Variants in MRPS21 observed in about 807,000 individuals in gnomAD.
The protein encoded by MRPS21 is small ribosomal subunit protein bS21m.
MRPS21 carries 8 observed loss-of-function variants against 9.9 expected under a neutral mutation model. The ratio of observed to expected loss-of-function variants is 0.81; its 90% CI spans 0.47 to 1.45. MRPS21 has a LOEUF of 1.45. Among genes scored for constraint, MRPS21 ranks in the 40% most tolerant of loss-of-function variants. The pLI is 0.00. For missense variants in MRPS21, 101 were observed against 118.9 expected, an observed-to-expected ratio of 0.85 and a Z score of 0.70; for synonymous variants, 40 against 40.3, an observed-to-expected ratio of 0.99 and a Z score of 0.03.
chr1:150,299,026 G>A (rs1654016214), intron 2 of MRPS21, among the ~76,000 whole-genome samples: 1 of 152,054 alleles, frequency 6.6e-6, no homozygotes, highest in African/African-American at 2.4e-5. Context: ...GACTAGCCTG[G>A]CCAACATGGC....
intron 2 of MRPS21, among the ~76,000 whole-genome samples, chr1:150,297,938 C>CTTT (rs1257455790): frequency 6.7e-6 from 1 of 148,260 alleles, no homozygotes; most frequent in African/African-American, 2.5e-5. Context: ...ACAAAATGAA[C>CTTT]TTTTTTTTTT....
chr1:150,305,958 C>T (rs12403795), intron 2 of MRPS21, among the ~76,000 whole-genome samples: 19,785 of 152,214 alleles, frequency 0.13, 1,867 homozygotes, highest in South Asian at 0.33. Flanking sequence ...AAAACCTGCT[C>T]ATGTCCCTTT....
chr1:150,295,545 C>T (rs782429690), intron 2 of MRPS21, among the ~76,000 whole-genome samples: 2 of 151,946 alleles, frequency 1.3e-5, no homozygotes, highest in Admixed American at 6.6e-5. Flanking sequence ...GAAGCGGGAA[C>T]GTAGTATGAT....
Position 150,308,330 on chromosome 1 carries a change from C to T in MRPS21, c.*102C>T, listed in dbSNP as rs1005505910. The T allele has an allele frequency of 2.4e-6, 3 of 1,235,426 alleles. No individual in the cohort carries two copies. The highest frequency in any genetic ancestry group is 3.4e-5 in the South Asian group (2 of 59,230). 76.5% of individuals were successfully genotyped at this position (1,235,426 alleles called of 1,614,324 possible). ...TCCTATTACCATTCTCTGCAATAAA[C>T]TCAAATCACATGTCTGCAAGAAGGC... On this transcript the variant is annotated 3_prime_UTR_variant, in exon 3 of 3. Transcript: ENST00000614145.
intron 2 of MRPS21, 59 bp downstream of exon 2, chr1:150,294,508 T>A (rs1256914292): frequency 2.2e-5 from 31 of 1,400,590 alleles, no homozygotes; most frequent in Non-Finnish European, 2.9e-5. Flanking sequence ...GTGGTTATTC[T>A]CTCCCTTCCC....
chr1:150,299,792 T>G (rs1654051312), intron 2 of MRPS21, among the ~76,000 whole-genome samples: 1 of 152,188 alleles, frequency 6.6e-6, no homozygotes, highest in African/African-American at 2.4e-5. Context: ...TGTTGGTGAC[T>G]GGCATTTTAC....
chr1:150,295,040 G>C (rs1366276610), intron 2 of MRPS21, among the ~76,000 whole-genome samples: 2 of 140,450 alleles, frequency 1.4e-5, no homozygotes, highest in Admixed American at 7.5e-5. Context: ...CTGTCACCCA[G>C]GCTGGAGTGC....
chr1:150,306,083 ACT>A (rs1654321353), intron 2 of MRPS21, among the ~76,000 whole-genome samples: 1 of 152,102 alleles, frequency 6.6e-6, no homozygotes, highest in African/African-American at 2.4e-5. Context: ...GGCTTAGGCC[ACT>A]CTGTATATTA....
intron 2 of MRPS21, 74 bp from the exon 3 acceptor site, chr1:150,307,974 G>T: frequency 7.4e-7 from 1 of 1,356,298 alleles, no homozygotes; most frequent in South Asian, 1.8e-5. Context: ...TTGGTCAATC[G>T]ACTTCTATTT....
chr1:150,294,265 G>A, intron 1 of MRPS21, 70 bp from the exon 2 acceptor site: 1 of 1,060,278 alleles, frequency 9.4e-7, no homozygotes, highest in South Asian at 1.3e-5. Context: ...TAAATAAGCC[G>A]CGCGGTGTAG....
At position 150,294,359 on chromosome 1, in the gene MRPS21, C is replaced by T. The variant is rs781836488; in HGVS notation, c.-8C>T. 1.2e-6 allele frequency: 2 copies of T among 1,611,934 alleles called. No individual in the cohort carries two copies. Among genetic ancestry groups the T allele is most frequent in the South Asian group, 1.1e-5 (1 of 91,004 alleles). On this transcript the variant is annotated 5_prime_UTR_variant, in exon 2 of 3. Coordinates refer to ENST00000614145, the MANE Select transcript of MRPS21 (RefSeq NM_031901.6). Reference sequence around the variant, plus strand: ...GGCTCTACAGAGTGAAGGTTTAAATCCAAGGTCATGGCAAAACATCTGAAG... The same window carrying T: ...GGCTCTACAGAGTGAAGGTTTAAATTCAAGGTCATGGCAAAACATCTGAAG...
At chr1:150,299,502 TG>T (rs1220226203) in intron 2 of MRPS21, among the ~76,000 whole-genome samples, 1 of 152,124 alleles carries the variant, frequency 6.6e-6, no homozygotes, top group Non-Finnish European at 1.5e-5. Flanking sequence ...TCCCCCAAGC[TG>T]GAGTGCAGTG....
intron 2 of MRPS21, among the ~76,000 whole-genome samples, chr1:150,302,349 G>A (rs1227652797): frequency 6.6e-6 from 1 of 152,122 alleles, no homozygotes; most frequent in African/African-American, 2.4e-5. Flanking sequence ...ATGAGAAGGT[G>A]GAGAGTGGGG....
intron 2 of MRPS21, among the ~76,000 whole-genome samples, chr1:150,296,207 CA>C (rs1653911182): frequency 6.6e-6 from 1 of 152,194 alleles, no homozygotes; most frequent in South Asian, 2.1e-4. Context: ...CTTGGCCTCC[CA>C]AAGTGCTGGG....
At chr1:150,297,271 A>C (rs587647386) in intron 2 of MRPS21, among the ~76,000 whole-genome samples, 44 of 137,312 alleles carry the variant, frequency 3.2e-4, no homozygotes, top group Non-Finnish European at 6.3e-4. Context: ...AGCCTGGGCA[A>C]CAGAGCGAGA....
At chr1:150,297,245 C>T (rs963117293) in intron 2 of MRPS21, among the ~76,000 whole-genome samples, 19 of 150,008 alleles carry the variant, frequency 1.3e-4, no homozygotes, top group Admixed American at 2.0e-4. Context: ...GAGCCGAGAG[C>T]GTGCCACTAC....
intron 2 of MRPS21, among the ~76,000 whole-genome samples, chr1:150,295,901 T>C (rs587747910): frequency 7.9e-5 from 12 of 151,858 alleles, no homozygotes; most frequent in Non-Finnish European, 1.8e-4. Context: ...TATAGCTTCA[T>C]TGAAAATTTT....
chr1:150,302,641 G>C (rs587738198), intron 2 of MRPS21, among the ~76,000 whole-genome samples: 1 of 152,270 alleles, frequency 6.6e-6, no homozygotes, highest in South Asian at 2.1e-4. Context: ...GTTGCCAGGC[G>C]CCCGAACTCC....
intron 2 of MRPS21, among the ~76,000 whole-genome samples, chr1:150,307,504 T>C (rs782269558): frequency 1.3e-5 from 2 of 151,370 alleles, no homozygotes; most frequent in Admixed American, 1.3e-4. Context: ...ACTACAGGCA[T>C]GTACCACCAT....
Sources: allele counts gnomAD v4.1 joint callset (sites outside exome capture counted in the v4.1 genomes callset), GRCh38; gene constraint gnomAD v4.1.1; transcripts MANE v1.5; gene names NCBI Gene and HGNC (gene_info 2026-07-23, HGNC 2026-07-21).